The following UFL1 variants were observed in gnomAD, a reference collection of about 807,000 sequenced individuals.
UFL1 encodes E3 UFM1-protein ligase 1.
Under a neutral mutation model 99.3 loss-of-function variants are expected in UFL1, and 78 were observed. That is an observed-to-expected ratio of 0.79 (90% CI 0.65 to 0.95). The LOEUF (loss-of-function observed/expected upper bound fraction) is 0.95, where lower values mean the gene tolerates loss of function less well. Among genes scored for constraint, UFL1 ranks in the 40% least tolerant of loss-of-function variants. The probability of loss-of-function intolerance (pLI) is 0.00; values close to 1 mark genes in which losing one functional copy is unlikely to be tolerated. For missense variants in UFL1, 936 were observed against 937.0 expected, an observed-to-expected ratio of 1.00 and a Z score of 0.01; for synonymous variants, 335 against 322.2, an observed-to-expected ratio of 1.04 and a Z score of -0.42.
In UFL1 at chr6:96,521,864, T is replaced by A; in HGVS notation, c.-10T>A. ...GCAGTTCCTCCGCGTCTACTGCGAG[T>A]CAGGCCGTGATGGCGGACGCCTGGG... is the stretch of plus-strand genomic sequence containing the variant. On this transcript the variant is annotated 5_prime_UTR_variant, in exon 1 of 19. Transcript: ENST00000369278. The A allele has an allele frequency of 2.5e-6, 4 of 1,610,616 alleles. No homozygotes were observed. The highest frequency in any genetic ancestry group is 3.4e-6 in the Non-Finnish European group (4 of 1,178,938).
At chr6:96,534,892 A>G (rs1334992735) in intron 7 of UFL1, among the ~76,000 whole-genome samples, 1 of 151,916 alleles carries the variant, frequency 6.6e-6, no homozygotes, top group Non-Finnish European at 1.5e-5. Context: ...TGCAAATGTA[A>G]GAACTAAAAT....
chr6:96,529,773 C>T (rs1769755099), intron 6 of UFL1, among the ~76,000 whole-genome samples: 1 of 152,124 alleles, frequency 6.6e-6, no homozygotes, highest in Admixed American at 6.5e-5. Context: ...AATCAACAAG[C>T]ATTTGTTGAG....
At chr6:96,527,672 T>C (rs1429140866) in intron 5 of UFL1, among the ~76,000 whole-genome samples, 2 of 152,158 alleles carry the variant, frequency 1.3e-5, no homozygotes, top group Non-Finnish European at 2.9e-5. Context: ...TTTAAAATAC[T>C]TCTTTAAAGT....
Position 96,542,978 on chromosome 6 carries a change from A to G in UFL1, c.1364A>G (p.Asp455Gly), listed in dbSNP as rs1171565314. 1 of 1,599,096 alleles carries G rather than the reference A, an allele frequency of 6.3e-7. No individual in the cohort carries two copies. Among genetic ancestry groups the G allele is most frequent in the Non-Finnish European group, 8.5e-7 (1 of 1,172,100 alleles). The change falls in exon 12 of 19, where the codon GAT becomes GGT. Residue 455 changes from aspartate to glycine, a missense_variant. Asp to Gly is a moderately conservative substitution (Grantham distance 94). Coordinates refer to ENST00000369278, the MANE Select transcript of UFL1 (RefSeq NM_015323.5). ...AAAGTCAAGAAGAAAGGAAGAAAAGATGATGATAGTGATGATGAATCTCAA... is the reference window on the plus strand; with the variant it reads ...AAAGTCAAGAAGAAAGGAAGAAAAGGTGATGATAGTGATGATGAATCTCAA... Reference protein sequence around the residue: ...IKKVKKKGRKDDDSDDESQSS... With the variant: ...IKKVKKKGRKGDDSDDESQSS...
intron 11 of UFL1, among the ~76,000 whole-genome samples, chr6:96,542,412 A>G (rs1013940561): frequency 4.0e-5 from 6 of 151,336 alleles, no homozygotes; most frequent in Non-Finnish European, 5.9e-5. Flanking sequence ...ATGAGTCAGG[A>G]TATCTCCTCT....
chr6:96,524,436 T>C, intron 3 of UFL1, 26 bp downstream of exon 3: 1 of 1,557,274 alleles, frequency 6.4e-7, no homozygotes. Flanking sequence ...ATAAAATTTT[T>C]GCTTTACTTT....
intron 4 of UFL1, 72 bp from the exon 5 acceptor site, chr6:96,526,249 A>T (rs1447329761): frequency 7.6e-7 from 1 of 1,308,742 alleles, no homozygotes; most frequent in Non-Finnish European, 1.1e-6. Context: ...AACGGAAATT[A>T]AACATAAAAT....
In UFL1 at chr6:96,543,912, T is replaced by C. The variant is rs1769965150; in HGVS notation, c.1402+896T>C. 1.3e-5 allele frequency among the ~76,000 whole-genome samples: 2 copies of C among 151,188 alleles called. 1 individual carries two copies. The highest frequency in any genetic ancestry group is 3.0e-5 in the Non-Finnish European group (2 of 67,342). On this transcript the variant is annotated intron_variant, in intron 12 of 18. Transcript: ENST00000369278. The stretch of plus-strand genomic sequence containing the variant: ...TCTAATGTGTTAAAAATACAGCATA[T>C]TAAATTATAAACATTAGTTTTATTT...
rs1769917150 is a variant in UFL1, at chr6:96,540,576, T to A, written c.1200T>A (p.Asp400Glu). The A allele has an allele frequency of 3.7e-6, 6 of 1,606,688 alleles. No homozygotes were observed. Among genetic ancestry groups the A allele is most frequent in the Non-Finnish European group, 5.1e-6 (6 of 1,176,316 alleles). ...CTGTGCATTTAATCACTGAAGAAGA[T>A]CTGAAACAAATCTCCACTTTAGAAA... ...NNPVHLITEE[D>E]LKQISTLESV... Residue 400 changes from aspartate to glutamate, a missense_variant, in exon 11 of 19, where the codon GAT becomes GAA. Transcript: ENST00000369278.
intron 13 of UFL1, 66 bp from the exon 14 acceptor site, chr6:96,549,346 A>T: frequency 1.6e-6 from 2 of 1,279,122 alleles, no homozygotes; most frequent in Non-Finnish European, 2.1e-6. Flanking sequence ...CATAGAAACA[A>T]AATTCCTTAT....
At chr6:96,532,383 G>C (rs1027841352) in intron 6 of UFL1, among the ~76,000 whole-genome samples, 10 of 152,192 alleles carry the variant, frequency 6.6e-5, no homozygotes, top group African/African-American at 2.4e-4. Context: ...CCTAGACCTT[G>C]TTGGTTTGGA....
chr6:96,543,661 G>C (rs1233969493), intron 12 of UFL1, among the ~76,000 whole-genome samples: 1 of 150,964 alleles, frequency 6.6e-6, no homozygotes, highest in Non-Finnish European at 1.5e-5. Context: ...TGTAAAGTGG[G>C]GAAAAACTTC....
At chr6:96,551,402 G>A (rs780301398) in intron 15 of UFL1, 31 bp from the exon 16 acceptor site, 4 of 1,228,224 alleles carry the variant, frequency 3.3e-6, no homozygotes, top group East Asian at 2.5e-5. Flanking sequence ...CAAAAGCACA[G>A]TACTGAATGA....
chr6:96,537,435 T>C lies in UFL1; in HGVS notation c.864T>C (p.Tyr288=), dbSNP rs55792562. ...PDAVSYIKKR[Y]KTTQLLFLKA... ...CTGTAAGCTACATAAAGAAAAGATA[T>C]AAGACTACACAACTCTTGTTTTTGA... The change falls in exon 9 of 19, where the codon TAT becomes TAC. Residue 288 remains tyrosine (Y), a synonymous_variant. Transcript: ENST00000369278. The C allele has an allele frequency of 0.024, 39,169 of 1,608,078 alleles. 619 individuals are homozygous for C. The highest frequency in any genetic ancestry group is 0.027 in the Non-Finnish European group (31,547 of 1,177,194).
rs1427027736 is a variant in UFL1 at position 96,553,342 on chromosome 6, C to CA, written c.2227dup (p.Ser743LysfsTer2). On this transcript the variant is annotated frameshift_variant, in exon 19 of 19. Coordinates refer to ENST00000369278, the MANE Select transcript of UFL1 (RefSeq NM_015323.5). LOFTEE classifies it high-confidence loss of function. ...TTTGGTTGTAAAGCAGCTAGTCAGT[C>CA]AAAGTAAGAAGACTGGGCAGGGAGA... 1 of 1,613,690 alleles carries CA rather than the reference C, an allele frequency of 6.2e-7. No homozygotes were observed. The highest frequency in any genetic ancestry group is 8.5e-7 in the Non-Finnish European group (1 of 1,179,798).
At chr6:96,531,452 T>C (rs1769781961) in intron 6 of UFL1, among the ~76,000 whole-genome samples, 1 of 152,190 alleles carries the variant, frequency 6.6e-6, no homozygotes, top group Admixed American at 6.5e-5. Context: ...AGTTACTTGA[T>C]TAATTCCCCT....
chr6:96,537,634 A>C, intron 9 of UFL1, 85 bp downstream of exon 9: 1 of 1,339,784 alleles, frequency 7.5e-7, no homozygotes, highest in East Asian at 2.7e-5. Flanking sequence ...ATTAGGATAC[A>C]TAAAGGTGGT....
At chr6:96,540,506 C>G (rs770896680) in intron 10 of UFL1, 29 bp from the exon 11 acceptor site, 9 of 1,581,296 alleles carry the variant, frequency 5.7e-6, no homozygotes, top group Non-Finnish European at 7.7e-6. Flanking sequence ...ATGTGTTTTT[C>G]CTACCAAAAA....
intron 12 of UFL1, among the ~76,000 whole-genome samples, chr6:96,544,533 A>G (rs1489519774): frequency 6.6e-6 from 1 of 151,066 alleles, no homozygotes; most frequent in Non-Finnish European, 1.5e-5. Flanking sequence ...TTAATGTTCT[A>G]CTTGCTATTT....
Sources: allele counts gnomAD v4.1 joint callset (sites outside exome capture counted in the v4.1 genomes callset), GRCh38; gene constraint gnomAD v4.1.1; transcripts MANE v1.5; gene names NCBI Gene and HGNC (gene_info 2026-07-23, HGNC 2026-07-21).